ANKRD62: variants seen among roughly 807,000 people sequenced by gnomAD.
The protein encoded by ANKRD62 is ankyrin repeat domain-containing protein 62.
Under a neutral mutation model 98.8 loss-of-function variants are expected in ANKRD62, and 61 were observed. That is an observed-to-expected ratio of 0.62 (90% CI 0.50 to 0.76). The LOEUF (loss-of-function observed/expected upper bound fraction) is 0.76, where lower values mean the gene tolerates loss of function less well. Ranked by LOEUF, ANKRD62 falls within the 30% of genes least tolerant of loss-of-function variation. The pLI is 0.00. For missense variants in ANKRD62, 933 were observed against 1,082.9 expected, an observed-to-expected ratio of 0.86 and a Z score of 1.94; for synonymous variants, 341 against 367.9, an observed-to-expected ratio of 0.93 and a Z score of 0.84.
At chr18:12,124,622 A>G (rs975717384) in intron 12 of ANKRD62, among the ~76,000 whole-genome samples, 1 of 152,072 alleles carries the variant, frequency 6.6e-6, no homozygotes, top group African/African-American at 2.4e-5. Context: ...TGCATTAATT[A>G]TGGTTTCAAA....
At chr18:12,125,329 T>C (rs1427834691) in intron 12 of ANKRD62, 131 bp from the exon 13 acceptor site, 5 of 873,086 alleles carry the variant, frequency 5.7e-6, no homozygotes, top group Non-Finnish European at 7.6e-6. Context: ...ACTTTTTTTT[T>C]CCAGTTGGAT....
chr18:12,112,263 G>A (rs1909559592), intron 8 of ANKRD62, among the ~76,000 whole-genome samples: 1 of 152,054 alleles, frequency 6.6e-6, no homozygotes, highest in Admixed American at 6.6e-5. Flanking sequence ...AATAGCCAAG[G>A]CAGTCCTCAG....
rs968617742 is a variant in ANKRD62, at chr18:12,125,497, A to G, written c.1676A>G (p.Gln559Arg). Reference sequence around the variant, plus strand: ...CATGAAAGAGAAAGAGACCTGTGGCAGGAAAATCACTTGATGCGGGATGAA... The same window carrying G: ...CATGAAAGAGAAAGAGACCTGTGGCGGGAAAATCACTTGATGCGGGATGAA... Reference protein sequence around the residue: ...HTHERERDLWQENHLMRDEIA... With the variant: ...HTHERERDLWRENHLMRDEIA... The change falls in exon 13 of 14, where the codon CAG becomes CGG. Residue 559 changes from glutamine (Q) to arginine (R), a missense_variant. By Grantham distance (43) the Gln-to-Arg change is conservative. This residue lies in a region of ANKRD62 where 362 missense variants were observed against 434.5 expected (regional missense o/e 0.83). Coordinates refer to ENST00000587848, the MANE Select transcript of ANKRD62 (RefSeq NM_001277333.2). 3.4e-6 allele frequency: 5 copies of G among 1,485,130 alleles called. No individual in the cohort carries two copies. In the African/African-American group the frequency reaches 5.7e-5, roughly 17 times the overall value. 92.0% of individuals were successfully genotyped at this position (1,485,130 alleles called of 1,614,324 possible). A position where few individuals can be genotyped will look rare whatever the true frequency, so the allele number is the denominator to read the frequency against.
chr18:12,105,275 A>G (rs1171090470), intron 7 of ANKRD62, among the ~76,000 whole-genome samples: 2 of 152,222 alleles, frequency 1.3e-5, no homozygotes, highest in African/African-American at 4.8e-5. Flanking sequence ...AGTACAAATA[A>G]CTATAAAAGA....
Position 12,096,219 on chromosome 18 carries a change from C to A in ANKRD62, c.531C>A (p.Leu177=). Residue 177 remains leucine (L), a synonymous_variant, in exon 4 of 14, where the codon CTC becomes CTA. Transcript: ENST00000587848. ...AGGATGGACATACATCACTTTTACT[C>A]GCTGTAAATAGGAAAAAAGAGCAAA... ...RSQDGHTSLL[L]AVNRKKEQMV... The A allele has an allele frequency of 6.5e-7, 1 of 1,534,480 alleles. No individual in the cohort carries two copies. The highest frequency in any genetic ancestry group is 2.0e-5 in the Admixed American group (1 of 50,238).
the ANKRD62 span, among the ~76,000 whole-genome samples, chr18:12,171,879 T>G: frequency 6.6e-6 from 1 of 152,208 alleles, no homozygotes; most frequent in Admixed American, 6.5e-5. Context: ...TTCATTTCAT[T>G]AATTTGATCT....
chr18:12,115,548 A>G lies in ANKRD62; in HGVS notation c.1240+14A>G, dbSNP rs1165030458. The stretch of plus-strand genomic sequence containing the variant: ...TGGAGTGTAAAGGTAGGACCAATGC[A>G]TAAATATAAGGCTCTTTCCCTATCC... On this transcript the variant is annotated intron_variant, in intron 10 of 13. Transcript: ENST00000587848. 4 of 1,530,192 alleles carry G rather than the reference A, an allele frequency of 2.6e-6. No homozygotes were observed. The African/African-American group carries it at 5.5e-5, about 21-fold the overall frequency. The allele number at this position is 1,530,192 out of a possible 1,614,324, so 94.8% of individuals were successfully genotyped here.
intron 5 of ANKRD62, among the ~76,000 whole-genome samples, chr18:12,098,814 G>A (rs1262067984): frequency 6.6e-6 from 1 of 152,096 alleles, no homozygotes; most frequent in East Asian, 1.9e-4. Context: ...TGTCAGTTGG[G>A]GATGACCATG....
chr18:12,113,764 A>T (rs1465441599), intron 8 of ANKRD62, among the ~76,000 whole-genome samples: 1 of 152,270 alleles, frequency 6.6e-6, no homozygotes, highest in Non-Finnish European at 1.5e-5. Flanking sequence ...AGACAGAAGT[A>T]CCATTCAACC....
At chr18:12,099,745 G>A in intron 6 of ANKRD62, 63 bp downstream of exon 6, 1 of 984,756 alleles carries the variant, frequency 1.0e-6, no homozygotes, top group Non-Finnish European at 1.4e-6. Context: ...GTAAGAGGAA[G>A]GAAGTTTTGA....
rs1447682661 is a variant in ANKRD62 at position 12,095,482 on chromosome 18, C to A, written c.379C>A (p.His127Asn). The change falls in exon 3 of 14, where the codon CAT becomes AAT. Residue 127 changes from histidine to asparagine, a missense_variant. By Grantham distance (68) the His-to-Asn change is moderately conservative. Around this residue, in one of 3 missense-constraint regions of ANKRD62, gnomAD observed 549 missense variants for 587.9 expected, o/e 0.93. Coordinates refer to ENST00000587848, the MANE Select transcript of ANKRD62 (RefSeq NM_001277333.2). The part of the protein sequence containing the change: ...EEVCASILLE[H>N]GANPNVRDMY... ...AGTTTGTGCATCCATCCTGCTGGAACATGGCGCCAACCCAAATGTTAGAGA... is the reference window on the plus strand; with the variant it reads ...AGTTTGTGCATCCATCCTGCTGGAAAATGGCGCCAACCCAAATGTTAGAGA... 6.3e-7 allele frequency: 1 copy of A among 1,575,670 alleles called. No individual in the cohort carries two copies. The highest frequency in any genetic ancestry group is 8.6e-7 in the Non-Finnish European group (1 of 1,166,048).
the ANKRD62 span, among the ~76,000 whole-genome samples, chr18:12,165,079 A>G: frequency 6.6e-6 from 1 of 151,896 alleles, no homozygotes; most frequent in Non-Finnish European, 1.5e-5. Flanking sequence ...TTTGTCTGAT[A>G]TAAGTATAGC....
Position 12,095,507 on chromosome 18 carries a change from A to G in ANKRD62, c.404A>G (p.Asp135Gly). 1 of 1,570,876 alleles carries G rather than the reference A, an allele frequency of 6.4e-7. No homozygotes were observed. Among genetic ancestry groups the G allele is most frequent in the South Asian group, 1.1e-5 (1 of 87,548 alleles). The stretch of plus-strand genomic sequence containing the variant: ...CATGGCGCCAACCCAAATGTTAGAG[A>G]TATGTATGGCAACACTGCTCTGCAC... ...LEHGANPNVRDMYGNTALHYA... is the reference protein window; with the variant it reads ...LEHGANPNVRGMYGNTALHYA... The change falls in exon 3 of 14, where the codon GAT (aspartate) becomes GGT (glycine). Residue 135 changes from aspartate (D) to glycine (G), a missense_variant. Physicochemically the swap from Asp to Gly is moderately conservative, Grantham distance 94 (BLOSUM62 -1). Coordinates refer to ENST00000587848, the MANE Select transcript of ANKRD62 (RefSeq NM_001277333.2).
chr18:12,106,102 G>T (rs116401460), intron 7 of ANKRD62, among the ~76,000 whole-genome samples: 1,679 of 152,318 alleles, frequency 0.011, 22 homozygotes, highest in Middle Eastern at 0.058. Context: ...AACTCAATAT[G>T]TTAAGGCTTA....
At chr18:12,150,879 A>C in the ANKRD62 span, among the ~76,000 whole-genome samples, 3 of 152,080 alleles carry the variant, frequency 2.0e-5, no homozygotes, top group African/African-American at 7.2e-5. Flanking sequence ...ACTATAAAGC[A>C]AGCCAGCATA....
the ANKRD62 span, among the ~76,000 whole-genome samples, chr18:12,163,156 A>G: frequency 6.6e-6 from 1 of 151,964 alleles, no homozygotes; most frequent in Non-Finnish European, 1.5e-5. Context: ...AACATTAAAT[A>G]TGTTTCCATT....
chr18:12,093,991 G>A lies in ANKRD62; in HGVS notation c.-27G>A, dbSNP rs1414632687. On this transcript the variant is annotated 5_prime_UTR_variant, in exon 1 of 14. Transcript: ENST00000587848. ...TGAGGTGTCTTAAAGCCGTTCCTCA[G>A]CCTGGGAGAAGATCTCTGGCTTCAG... 2 of 1,533,714 alleles carry A rather than the reference G, an allele frequency of 1.3e-6. No homozygotes were observed. The highest frequency in any genetic ancestry group is 1.7e-6 in the Non-Finnish European group (2 of 1,146,224).
chr18:12,170,876 A>G, the ANKRD62 span, among the ~76,000 whole-genome samples: 52 of 151,346 alleles, frequency 3.4e-4, no homozygotes, highest in African/African-American at 1.2e-3. Context: ...TCCCTTTACC[A>G]TTATGTAATG....
At chr18:12,123,933 A>T (rs1440362851) in intron 11 of ANKRD62, among the ~76,000 whole-genome samples, 10 of 152,202 alleles carry the variant, frequency 6.6e-5, no homozygotes, top group Non-Finnish European at 1.5e-5. Flanking sequence ...ATTACTAGTA[A>T]CAGAAGCTAA....
Sources: gnomAD v4.1 joint callset for allele counts (sites outside exome capture counted in the v4.1 genomes callset) on GRCh38, gnomAD v4.1.1 for gene constraint, gnomAD v4.1.1 regional missense constraint, MANE v1.5 for transcripts, NCBI Gene and HGNC (gene_info 2026-07-23, HGNC 2026-07-21) for gene names.